The following GLCCI1 variants were observed in gnomAD, a reference collection of about 807,000 sequenced individuals.
GLCCI1 encodes the protein glucocorticoid induced 1, also known as glucocorticoid-induced transcript 1 protein.
A neutral mutation model predicts 52.2 loss-of-function variants in GLCCI1; 24 were observed. That is an observed-to-expected ratio of 0.46 (90% CI 0.33 to 0.65). GLCCI1 has a LOEUF of 0.65. GLCCI1 is among the 30% of genes least tolerant of loss of function. The pLI is 0.02. For missense variants in GLCCI1, 704 were observed against 701.5 expected (o/e 1.00, Z -0.04); for synonymous variants, 310 against 276.5 (o/e 1.12, Z -1.20).
chr7:8,005,758 C>G (rs568420221), intron 2 of GLCCI1, among the ~76,000 whole-genome samples: 1 of 152,096 alleles, frequency 6.6e-6, no homozygotes, highest in East Asian at 1.9e-4. Flanking sequence ...TGTGCTGACA[C>G]TATCGAGAGG....
intron 1 of GLCCI1, chr7:7,970,506 G>A (rs533346606): frequency 1.3e-5 from 2 of 152,098 alleles, no homozygotes; most frequent in Non-Finnish European, 2.9e-5. Flanking sequence ...GATTTTCATG[G>A]TAAATTTCTG....
intron 1 of GLCCI1, among the ~76,000 whole-genome samples, chr7:7,991,669 C>G (rs1195880119): frequency 2.0e-5 from 3 of 152,026 alleles, no homozygotes; most frequent in Admixed American, 6.6e-5. Flanking sequence ...TAGATTTACC[C>G]CATTGCAAGG....
In GLCCI1 at chr7:8,071,053, G is replaced by C. The variant is rs1444258171; in HGVS notation, c.1099G>C (p.Val367Leu). The C allele has an allele frequency of 6.2e-7, 1 of 1,614,076 alleles. No individual in the cohort carries two copies. The highest frequency in any genetic ancestry group is 1.3e-5 in the African/African-American group (1 of 74,934). ...SSSCSSHSPC[V>L]SPFCPPESQD... ...TAGCTGCAGCAGTCATTCACCCTGT[G>C]TCTCCCCTTTTTGTCCCCCGGAATC... Residue 367 changes from valine to leucine, a missense_variant, in exon 6 of 8, where the codon GTC becomes CTC. Physicochemically the swap from Val to Leu is conservative, Grantham distance 32. Around this residue, in one of 3 missense-constraint regions of GLCCI1, gnomAD observed 547 missense variants for 524.8 expected, o/e 1.04. Transcript: ENST00000223145.
At chr7:8,076,772 T>G (rs1445966207) in intron 6 of GLCCI1, among the ~76,000 whole-genome samples, 1 of 152,238 alleles carries the variant, frequency 6.6e-6, no homozygotes, top group African/African-American at 2.4e-5. Context: ...GACCATATTT[T>G]GGTCAGTGCT....
chr7:7,979,557 A>G (rs569482400), intron 1 of GLCCI1, among the ~76,000 whole-genome samples: 1 of 152,316 alleles, frequency 6.6e-6, no homozygotes, highest in East Asian at 1.9e-4. Context: ...TCTATAACAT[A>G]CTTACATCTA....
At chr7:8,041,988 T>A (rs562092670) in intron 3 of GLCCI1, among the ~76,000 whole-genome samples, 16 of 152,262 alleles carry the variant, frequency 1.1e-4, no homozygotes, top group African/African-American at 3.4e-4. Context: ...CTTTATAAAG[T>A]GGAAGAACAA....
At chr7:8,084,502 T>C (rs1258235039) in intron 6 of GLCCI1, 1 of 154,064 alleles carries the variant, frequency 6.5e-6, no homozygotes, top group Non-Finnish European at 1.4e-5. Context: ...TTAAATTGGT[T>C]GGGCAGTGAG....
intron 1 of GLCCI1, chr7:7,981,999 T>C (rs1034170970): frequency 9.5e-6 from 4 of 423,224 alleles, no homozygotes; most frequent in African/African-American, 8.3e-5. Flanking sequence ...TGAGAAAGTT[T>C]GGAGTTTGGT....
intron 2 of GLCCI1, among the ~76,000 whole-genome samples, chr7:8,007,738 G>A (rs989697795): frequency 2.0e-5 from 3 of 152,016 alleles, no homozygotes; most frequent in African/African-American, 7.2e-5. Context: ...CCTTGGTGGA[G>A]GGTGTCTTGA....
At chr7:8,062,106 A>G (rs1056514636) in intron 5 of GLCCI1, among the ~76,000 whole-genome samples, 3 of 152,230 alleles carry the variant, frequency 2.0e-5, no homozygotes, top group Non-Finnish European at 2.9e-5. Context: ...AAGCAAAACT[A>G]TACTAAAATA....
At chr7:8,037,705 A>C (rs1030340674) in intron 3 of GLCCI1, among the ~76,000 whole-genome samples, 4 of 152,162 alleles carry the variant, frequency 2.6e-5, no homozygotes, top group Admixed American at 2.6e-4. Flanking sequence ...GGAAAAAGAC[A>C]TTCCTTGCAA....
chr7:8,066,498 G>A (rs181321509), intron 5 of GLCCI1, among the ~76,000 whole-genome samples: 6 of 150,612 alleles, frequency 4.0e-5, no homozygotes, highest in Non-Finnish European at 7.4e-5. Context: ...ATCTGAGATC[G>A]GATTTTTATG....
rs577358310 is a variant in GLCCI1, at chr7:8,067,179, G to A, written c.967-3742G>A. ...TATTTGTTGGTATAAAGTCTGTTTTGTCTGAAATTAGAATAGCAATCTTGC... is the reference window on the plus strand; with the variant it reads ...TATTTGTTGGTATAAAGTCTGTTTTATCTGAAATTAGAATAGCAATCTTGC... On this transcript the variant is annotated intron_variant, in intron 5 of 7. Coordinates refer to ENST00000223145, the MANE Select transcript of GLCCI1 (RefSeq NM_138426.4). 6.6e-5 allele frequency among the ~76,000 whole-genome samples: 10 copies of A among 152,172 alleles called. No homozygotes were observed. In the South Asian group the frequency reaches 1.2e-3, roughly 19 times the overall value.
At chr7:8,025,624 A>G (rs1026428686) in intron 3 of GLCCI1, among the ~76,000 whole-genome samples, 4 of 152,194 alleles carry the variant, frequency 2.6e-5, no homozygotes, top group African/African-American at 4.8e-5. Flanking sequence ...CTAACAGAGA[A>G]CTTTCCAGAT....
chr7:7,968,840 C>CGGCGGCGGCGGT lies in GLCCI1; in HGVS notation c.-504_-503insGCGGTGGCGGCG. 6.2e-6 allele frequency: 1 copy of CGGCGGCGGCGGT among 160,784 alleles called. No individual in the cohort carries two copies. The highest frequency in any genetic ancestry group is 6.3e-5 in the Admixed American group (1 of 15,976). The allele number at this position is 160,784 out of a possible 1,614,324, so 10.0% of individuals were successfully genotyped here. A position where few individuals can be genotyped will look rare whatever the true frequency, so the allele number is the denominator to read the frequency against. ...GAGTGGGTAGAAGCGGCGGCGGCGG[C>CGGCGGCGGCGGT]GGCGGCGTTTGCGGTGGCGCGGACT... On this transcript the variant is annotated 5_prime_UTR_variant, in exon 1 of 8. Coordinates refer to ENST00000223145, the MANE Select transcript of GLCCI1 (RefSeq NM_138426.4).
At chr7:8,029,100 A>G (rs1283821671) in intron 3 of GLCCI1, among the ~76,000 whole-genome samples, 2 of 152,190 alleles carry the variant, frequency 1.3e-5, no homozygotes, top group South Asian at 2.1e-4. Context: ...AACTCATTCT[A>G]CAAGACTAGT....
intron 2 of GLCCI1, 61 bp downstream of exon 2, chr7:8,004,120 A>G: frequency 1.4e-6 from 2 of 1,405,512 alleles, no homozygotes; most frequent in Non-Finnish European, 1.9e-6. Context: ...TGATCACAGT[A>G]AAGAAAATGT....
chr7:8,070,127 A>G (rs990714842), intron 5 of GLCCI1: 11 of 152,256 alleles, frequency 7.2e-5, no homozygotes, highest in African/African-American at 1.7e-4. Flanking sequence ...CCACTGAACT[A>G]TAGGTTCCTC....
chr7:8,050,997 T>C (rs1731324101), intron 3 of GLCCI1, among the ~76,000 whole-genome samples: 1 of 152,190 alleles, frequency 6.6e-6, no homozygotes, highest in Non-Finnish European at 1.5e-5. Context: ...GATAGGCAAA[T>C]TTTAATGATG....
Sources: gnomAD v4.1 joint callset for allele counts (sites outside exome capture counted in the v4.1 genomes callset) on GRCh38, gnomAD v4.1.1 for gene constraint, gnomAD v4.1.1 regional missense constraint, MANE v1.5 for transcripts, NCBI Gene and HGNC (gene_info 2026-07-23, HGNC 2026-07-21) for gene names.